RAPH1: variants seen among roughly 807,000 people sequenced by gnomAD.
RAPH1 encodes ras-associated and pleckstrin homology domains-containing protein 1.
RAPH1 carries 18 observed loss-of-function variants against 88.1 expected under a neutral mutation model. The ratio of observed to expected loss-of-function variants is 0.20; its 90% CI spans 0.14 to 0.30. The LOEUF is 0.30. Ranked by LOEUF, RAPH1 falls within the 10% of genes least tolerant of loss-of-function variation. The pLI is 1.00. For synonymous variants in RAPH1, 587 were observed against 559.0 expected, an observed-to-expected ratio of 1.05 and a Z score of -0.71; for missense variants, 1,448 against 1,543.2, an observed-to-expected ratio of 0.94 and a Z score of 1.03.
chr2:203,497,296 T>A (rs1688560453), intron 1 of RAPH1, among the ~76,000 whole-genome samples: 1 of 152,192 alleles, frequency 6.6e-6, no homozygotes, highest in Non-Finnish European at 1.5e-5. Flanking sequence ...AAAATTAATT[T>A]CTGTTCTTTA....
intron 4 of RAPH1, 121 bp from the exon 5 acceptor site, chr2:203,462,046 G>A: frequency 1.7e-6 from 1 of 601,774 alleles, no homozygotes; most frequent in Non-Finnish European, 2.6e-6. Context: ...TACACACAGA[G>A]CACATTTAAA....
rs1369836480 is a variant in RAPH1 at position 203,434,257 on chromosome 2, T to C, written c.*5180A>G. ...CATTATAATGAAGTTCCTTGTCTTC[T>C]TCATGCTTTAAAAAAGTATACTTCT... is the stretch of plus-strand genomic sequence containing the variant. On this transcript the variant is annotated 3_prime_UTR_variant, in exon 14 of 14. Transcript: ENST00000319170. 1 of 152,568 alleles carries C rather than the reference T, an allele frequency of 6.6e-6. No homozygotes were observed. The highest frequency in any genetic ancestry group is 1.5e-5 in the Non-Finnish European group (1 of 68,030). The allele number at this position is 152,568 out of a possible 1,614,324, so 9.5% of individuals were successfully genotyped here.
intron 4 of RAPH1, among the ~76,000 whole-genome samples, chr2:203,485,558 C>A (rs1311475900): frequency 6.6e-6 from 1 of 152,114 alleles, no homozygotes; most frequent in East Asian, 1.9e-4. Context: ...AACAATATTA[C>A]CTGGAGATAT....
intron 4 of RAPH1, among the ~76,000 whole-genome samples, chr2:203,478,159 G>A (rs1270879217): frequency 2.0e-5 from 3 of 150,836 alleles, no homozygotes; most frequent in Admixed American, 1.3e-4. Flanking sequence ...TCATCCTCCC[G>A]AGTAGCTGGG....
chr2:203,496,005 T>C (rs1688493011), intron 1 of RAPH1, among the ~76,000 whole-genome samples: 1 of 152,224 alleles, frequency 6.6e-6, no homozygotes, highest in Admixed American at 6.5e-5. Flanking sequence ...TCCTGTTATG[T>C]GGTGACTTTT....
chr2:203,502,404 T>A (rs1161918060), intron 1 of RAPH1, among the ~76,000 whole-genome samples: 1 of 152,184 alleles, frequency 6.6e-6, no homozygotes, highest in Non-Finnish European at 1.5e-5. Context: ...TTCACTATCA[T>A]CTACATTAAC....
chr2:203,463,263 A>G (rs553950069), intron 4 of RAPH1, among the ~76,000 whole-genome samples: 2 of 152,246 alleles, frequency 1.3e-5, no homozygotes, highest in Non-Finnish European at 2.9e-5. Context: ...AAGTCTAAGA[A>G]GAAAAAATCC....
chr2:203,439,224 T>C lies in RAPH1; in HGVS notation c.*213A>G. ...ATAGAATAACTCTCAGCTCTCTCTC[T>C]ATATACACATACACATACATATATG... On this transcript the variant is annotated 3_prime_UTR_variant, in exon 14 of 14. Transcript: ENST00000319170. 1 of 524,388 alleles carries C rather than the reference T, an allele frequency of 1.9e-6. No homozygotes were observed. The highest frequency in any genetic ancestry group is 3.1e-5 in the South Asian group (1 of 32,156). The allele number at this position is 524,388 out of a possible 1,614,324, so 32.5% of individuals were successfully genotyped here.
intron 4 of RAPH1, among the ~76,000 whole-genome samples, chr2:203,481,519 T>A (rs1245034103): frequency 2.0e-5 from 3 of 151,416 alleles, no homozygotes; most frequent in South Asian, 4.2e-4. Flanking sequence ...TAAATGTTTT[T>A]AAAACTATTT....
rs1484721282 is a variant in RAPH1, at chr2:203,436,645, G to GTA, written c.*2791_*2792insTA. On this transcript the variant is annotated 3_prime_UTR_variant, in exon 14 of 14. Coordinates refer to ENST00000319170, the MANE Select transcript of RAPH1 (RefSeq NM_213589.3). ...TGCACTGCCCTCAGCAGCAGGATGA[G>GTA]TTAATCCATGCTGTTCACTTTTCAG... is the stretch of plus-strand genomic sequence containing the variant. 6.6e-6 allele frequency: 1 copy of GTA among 152,228 alleles called. No individual in the cohort carries two copies. The highest frequency in any genetic ancestry group is 1.5e-5 in the Non-Finnish European group (1 of 68,052). The allele number at this position is 152,228 out of a possible 1,614,324, so 9.4% of individuals were successfully genotyped here.
At chr2:203,476,356 A>G (rs562903023) in intron 4 of RAPH1, among the ~76,000 whole-genome samples, 7 of 152,156 alleles carry the variant, frequency 4.6e-5, no homozygotes, top group African/African-American at 1.4e-4. Context: ...TTTTTAGTAG[A>G]AATGGGGTTT....
intron 1 of RAPH1, among the ~76,000 whole-genome samples, chr2:203,498,713 T>TA (rs1053889231): frequency 3.3e-5 from 5 of 151,714 alleles, no homozygotes; most frequent in African/African-American, 7.3e-5. Context: ...TAACTGCCCA[T>TA]AAAAAAAATG....
chr2:203,472,135 T>A (rs964589707), intron 4 of RAPH1, among the ~76,000 whole-genome samples: 9 of 151,174 alleles, frequency 6.0e-5, no homozygotes, highest in South Asian at 2.1e-4. Flanking sequence ...TTCTTTTTTT[T>A]TTTTTTTATT....
intron 1 of RAPH1, among the ~76,000 whole-genome samples, chr2:203,534,502 CCGT>C: frequency 1.5e-5 from 1 of 65,730 alleles, no homozygotes; most frequent in African/African-American, 4.6e-5. Flanking sequence ...CCCCCTCCCT[CCGT>C]CCACCCCCCC....
chr2:203,513,932 C>G (rs902696430), intron 1 of RAPH1, among the ~76,000 whole-genome samples: 1 of 151,876 alleles, frequency 6.6e-6, no homozygotes, highest in Non-Finnish European at 1.5e-5. Flanking sequence ...GCAGCCTCCA[C>G]CTCCCGGGTT....
At chr2:203,470,284 A>G in intron 4 of RAPH1, 1 of 1,612,460 alleles carries the variant, frequency 6.2e-7, no homozygotes, top group South Asian at 1.1e-5. Flanking sequence ...TTCTCAGAAG[A>G]AGGGAGGTTT....
chr2:203,479,294 G>A (rs1687612448), intron 4 of RAPH1, among the ~76,000 whole-genome samples: 2 of 152,032 alleles, frequency 1.3e-5, no homozygotes, highest in African/African-American at 4.8e-5. Context: ...AATGCTTACT[G>A]GCTAAACTTT....
intron 9 of RAPH1, 120 bp downstream of exon 9, chr2:203,455,317 T>C (rs2098518441): frequency 1.1e-6 from 1 of 915,646 alleles, no homozygotes; most frequent in Admixed American, 2.5e-5. Context: ...AAAGCAATAT[T>C]CTATGTCTTC....
chr2:203,479,957 G>C (rs886328249), intron 4 of RAPH1, among the ~76,000 whole-genome samples: 4 of 151,824 alleles, frequency 2.6e-5, no homozygotes, highest in Non-Finnish European at 5.9e-5. Context: ...CTCAAAATAC[G>C]TAACAAAAAT....
Sources: allele counts gnomAD v4.1 joint callset (sites outside exome capture counted in the v4.1 genomes callset), GRCh38; gene constraint gnomAD v4.1.1; transcripts MANE v1.5; gene names NCBI Gene and HGNC (gene_info 2026-07-23, HGNC 2026-07-21).